Variants in PLCG2 observed in about 807,000 individuals in gnomAD.
PLCG2 encodes phospholipase C gamma 2.
Under a neutral mutation model 175.6 loss-of-function variants are expected in PLCG2, and 69 were observed. That is an observed-to-expected ratio of 0.39 (90% CI 0.32 to 0.48). The LOEUF is 0.48. PLCG2 is among the 20% of genes least tolerant of loss of function. The pLI is 0.91. For synonymous variants in PLCG2, 827 were observed against 624.0 expected (o/e 1.33, Z -4.85); for missense variants, 1,798 against 1,650.9 (o/e 1.09, Z -1.54).
chr16:81,875,298 C>T (rs1371095550), intron 7 of PLCG2, among the ~76,000 whole-genome samples: 3 of 152,018 alleles, frequency 2.0e-5, no homozygotes, highest in Non-Finnish European at 2.9e-5. Context: ...TAATTCCCCC[C>T]TAGAGGCCTG....
chr16:81,862,014 A>G lies in PLCG2; in HGVS notation c.479+2851A>G, dbSNP rs7186381. On this transcript the variant is annotated intron_variant, in intron 5 of 32. Transcript: ENST00000564138. ...GTGGGCAGAGCCCTGCTCTCTGTCA[A>G]CATGTGGAAAATCCCACCTTTCCTG... Among the ~76,000 whole-genome samples the G allele has an allele frequency of 6.2e-3, 939 of 152,344 alleles. 12 individuals carry two copies. Among genetic ancestry groups the G allele is most frequent in the African/African-American group, 0.022 (913 of 41,578 alleles).
At chr16:81,778,032 C>A (rs56026444), upstream of PLCG2, among the ~76,000 whole-genome samples, 20,563 of 56,558 alleles carry the variant, frequency 0.36, 3,790 homozygotes, top group South Asian at 0.53. Flanking sequence ...AAAAAAAAAA[C>A]AAAAAAAAAA....
chr16:81,868,180 G>A (rs1048312512), intron 5 of PLCG2, among the ~76,000 whole-genome samples: 15 of 152,108 alleles, frequency 9.9e-5, no homozygotes, highest in Non-Finnish European at 1.8e-4. Flanking sequence ...GAGCCCTGGG[G>A]GTCAACCATG....
rs1418049453 is a variant in PLCG2 at position 81,958,199 on chromosome 16, ACTT to A, written c.*202_*204del. 1 of 588,632 alleles carries A rather than the reference ACTT, an allele frequency of 1.7e-6. No homozygotes were observed. The highest frequency in any genetic ancestry group is 3.1e-6 in the Non-Finnish European group (1 of 322,312). 36.5% of individuals were successfully genotyped at this position (588,632 alleles called of 1,614,324 possible). ...ATTTTCATCTTGGACAACTTTCTTA[ACTT>A]ATATTCTTTATAGAGGATTCCCCAA... On this transcript the variant is annotated 3_prime_UTR_variant, in exon 33 of 33. Coordinates refer to ENST00000564138, the MANE Select transcript of PLCG2 (RefSeq NM_002661.5).
At chr16:81,828,482 C>T (rs982651023) in intron 2 of PLCG2, among the ~76,000 whole-genome samples, 5 of 152,052 alleles carry the variant, frequency 3.3e-5, no homozygotes, top group African/African-American at 1.2e-4. Context: ...TCGTGATCCA[C>T]CCATCTCGGC....
At chr16:81,900,886 A>G in intron 14 of PLCG2, 106 bp downstream of exon 14, 1 of 978,136 alleles carries the variant, frequency 1.0e-6, no homozygotes, top group African/African-American at 1.6e-5. Context: ...GGCCTGCTCC[A>G]GGTCCCACTG....
chr16:81,779,740 A>T (rs1308175355), intron 1 of PLCG2, among the ~76,000 whole-genome samples: 3 of 152,086 alleles, frequency 2.0e-5, no homozygotes, highest in Non-Finnish European at 4.4e-5. Context: ...GCTGGCGTTC[A>T]AAACTCCTCT....
intron 2 of PLCG2, among the ~76,000 whole-genome samples, chr16:81,822,492 C>T (rs148256109): frequency 0.011 from 1,637 of 152,236 alleles, 33 homozygotes; most frequent in African/African-American, 0.038. Flanking sequence ...GGCAGTGGCT[C>T]ATGCCTGTAA....
In PLCG2 at chr16:81,908,021, T is replaced by G. The variant is rs1909453321; in HGVS notation, c.1557+247T>G. On this transcript the variant is annotated intron_variant, in intron 16 of 32. Transcript: ENST00000564138. ...GCTCTCTAAAGTGCCTGATTGGCCT[T>G]AGATGGAGGCCGGTGCTCTGGCTTG... Among the ~76,000 whole-genome samples, 3 of 152,222 alleles carry G rather than the reference T, an allele frequency of 2.0e-5. No individual in the cohort carries two copies. In the South Asian group the frequency reaches 6.2e-4, roughly 32 times the overall value.
rs148315286 is a variant in PLCG2, at chr16:81,758,273, C to T, written c.-48+2307C>T. ...GATTAGAGGTGTGAACCCTCGTGCC[C>T]AGGCTCACTTAGCATTGCATTTTCA... On this transcript the variant is annotated intron_variant, in intron 2 of 5. Coordinates refer to the PLCG2 transcript ENST00000565054. Among the ~76,000 whole-genome samples the T allele has an allele frequency of 5.4e-4, 82 of 152,342 alleles. 1 individual carries two copies. The highest frequency in any genetic ancestry group is 1.8e-3 in the African/African-American group (75 of 41,580).
chr16:81,836,739 C>T (rs950511450), intron 2 of PLCG2, among the ~76,000 whole-genome samples: 1 of 152,170 alleles, frequency 6.6e-6, no homozygotes, highest in South Asian at 2.1e-4. Flanking sequence ...CACTATGTCT[C>T]AAAAACGAGT....
At chr16:81,772,943 C>A (rs946335223) in intron 2 of PLCG2, among the ~76,000 whole-genome samples, 2 of 152,226 alleles carry the variant, frequency 1.3e-5, no homozygotes, top group Non-Finnish European at 2.9e-5. Context: ...CACTGCAGGA[C>A]CCTGCAGACT....
intron 2 of PLCG2, among the ~76,000 whole-genome samples, chr16:81,808,820 A>C (rs1056622175): frequency 6.6e-6 from 1 of 152,210 alleles, no homozygotes; most frequent in African/African-American, 2.4e-5. Context: ...AGCAAGCTCC[A>C]TAGCCTCTGT....
chr16:81,826,652 C>T (rs1354421496), intron 2 of PLCG2, among the ~76,000 whole-genome samples: 3 of 152,282 alleles, frequency 2.0e-5, no homozygotes, highest in Non-Finnish European at 2.9e-5. Context: ...TCATTAACCA[C>T]GTCCTCTCAG....
intron 3 of PLCG2, among the ~76,000 whole-genome samples, chr16:81,857,715 AC>A (rs1244188977): frequency 2.0e-5 from 3 of 152,128 alleles, no homozygotes; most frequent in African/African-American, 7.2e-5. Flanking sequence ...TAAATACCTC[AC>A]AAAGGCCCTA....
chr16:81,941,374 CA>C (rs1910932352), intron 30 of PLCG2, among the ~76,000 whole-genome samples: 1 of 152,178 alleles, frequency 6.6e-6, no homozygotes. Context: ...GGACCCACCA[CA>C]GGGTGATGAG....
chr16:81,762,510 A>G (rs1367975007), intron 2 of PLCG2, among the ~76,000 whole-genome samples: 2 of 152,092 alleles, frequency 1.3e-5, no homozygotes, highest in Admixed American at 6.6e-5. Context: ...TGGAGGTTAC[A>G]GTGAGCCAAG....
chr16:81,856,019 C>T (rs911805108), intron 3 of PLCG2, among the ~76,000 whole-genome samples: 12 of 152,074 alleles, frequency 7.9e-5, no homozygotes, highest in African/African-American at 2.7e-4. Context: ...CAGAAGAACC[C>T]GGGTCTTGGA....
At chr16:81,881,734 T>A (rs1004684118) in intron 8 of PLCG2, among the ~76,000 whole-genome samples, 3 of 152,190 alleles carry the variant, frequency 2.0e-5, no homozygotes, top group African/African-American at 7.2e-5. Context: ...AACCTCCACC[T>A]TCCAGGTTCA....
Sources: allele counts gnomAD v4.1 joint callset (sites outside exome capture counted in the v4.1 genomes callset), GRCh38; gene constraint gnomAD v4.1.1; transcripts MANE v1.5; gene names NCBI Gene and HGNC (gene_info 2026-07-23, HGNC 2026-07-21).